The following BSDC1 variants were observed in gnomAD, a reference collection of about 807,000 sequenced individuals.
The protein encoded by BSDC1 is BSD domain containing 1, also known as BSD domain-containing protein 1.
Under a neutral mutation model 56.0 loss-of-function variants are expected in BSDC1, and 29 were observed. That is an observed-to-expected ratio of 0.52 (90% CI 0.39 to 0.71). The LOEUF is 0.71. BSDC1 is among the 30% of genes least tolerant of loss of function. The pLI is 0.00. For synonymous variants in BSDC1, 210 were observed against 215.3 expected, an observed-to-expected ratio of 0.98 and a Z score of 0.21; for missense variants, 477 against 548.5, an observed-to-expected ratio of 0.87 and a Z score of 1.30.
Position 32,378,903 on chromosome 1 carries a change from G to A in BSDC1, c.413-64C>T, listed in dbSNP as rs1000547561. On this transcript the variant is annotated intron_variant, in intron 5 of 10. Coordinates refer to ENST00000455895, the MANE Select transcript of BSDC1 (RefSeq NM_018045.8). This position sits in a 1 kb window ranked among gnomAD's most constrained non-coding sequence, Gnocchi z 5.2. Reference sequence around the variant, plus strand: ...CTGGGAAAAGAACACTGGGCTTACAGAACATATCTAAGGCTGGACATGGAA... The same window carrying A: ...CTGGGAAAAGAACACTGGGCTTACAAAACATATCTAAGGCTGGACATGGAA... 1.8e-6 allele frequency: 2 copies of A among 1,110,298 alleles called. No individual in the cohort carries two copies. Among genetic ancestry groups the A allele is most frequent in the African/African-American group, 3.3e-5 (2 of 61,506 alleles). 68.8% of individuals were successfully genotyped at this position (1,110,298 alleles called of 1,614,324 possible).
chr1:32,393,861 C>G (rs559785427), intron 2 of BSDC1: 1 of 533,594 alleles, frequency 1.9e-6, no homozygotes, highest in Non-Finnish European at 3.3e-6. Context: ...TCGTTAACTC[C>G]AGCCTTTAAA....
intron 2 of BSDC1, among the ~76,000 whole-genome samples, chr1:32,389,972 CA>C (rs386366640): frequency 0.048 from 3,510 of 73,082 alleles, 127 homozygotes; most frequent in Admixed American, 0.18. Flanking sequence ...GACCCTGTCT[CA>C]AAAAAAAAAA....
At chr1:32,388,295 A>G (rs918407562) in intron 2 of BSDC1, among the ~76,000 whole-genome samples, 1 of 152,170 alleles carries the variant, frequency 6.6e-6, no homozygotes, top group African/African-American at 2.4e-5. Context: ...TAGGGGTGGT[A>G]ATCATGCCTC....
rs1485058437 is a variant in BSDC1, at chr1:32,365,404, T to TGAA, written c.*1215_*1217dup. The TGAA allele has an allele frequency of 6.6e-6, 1 of 151,292 alleles. No individual in the cohort carries two copies. Among genetic ancestry groups the TGAA allele is most frequent in the African/African-American group, 2.4e-5 (1 of 41,004 alleles). 9.4% of individuals were successfully genotyped at this position (151,292 alleles called of 1,614,324 possible). A position where few individuals can be genotyped will look rare whatever the true frequency, so the allele number is the denominator to read the frequency against. ...CATTCTCTCCATCCCACCCCCTCAC[T>TGAA]GAAGGTTTGAAGTGGAAGTGACCTC... On this transcript the variant is annotated 3_prime_UTR_variant, in exon 11 of 11. Transcript: ENST00000455895.
chr1:32,390,721 G>T (rs59463990), intron 2 of BSDC1, among the ~76,000 whole-genome samples: 8,520 of 152,066 alleles, frequency 0.056, 769 homozygotes, highest in African/African-American at 0.19. Context: ...GACCAGCCTG[G>T]GCAACATGGC....
At chr1:32,393,930 CG>C (rs1406649308) in intron 2 of BSDC1, 149 bp downstream of exon 2, 1 of 684,560 alleles carries the variant, frequency 1.5e-6, no homozygotes, top group Non-Finnish European at 2.5e-6. Context: ...TCTGTCTTCC[CG>C]TGGACCGGTA....
At chr1:32,393,032 C>G (rs532811600) in intron 2 of BSDC1, among the ~76,000 whole-genome samples, 1 of 152,294 alleles carries the variant, frequency 6.6e-6, no homozygotes, top group African/African-American at 2.4e-5. Context: ...CCTGTGCACT[C>G]CAGCCTAGGT....
intron 2 of BSDC1, among the ~76,000 whole-genome samples, chr1:32,390,512 G>A (rs770435522): frequency 5.3e-5 from 8 of 152,214 alleles, no homozygotes; most frequent in Non-Finnish European, 1.2e-4. Context: ...AAATCCTGGA[G>A]GAGGAGCAGT....
chr1:32,386,014 T>C (rs1642651659), intron 3 of BSDC1, among the ~76,000 whole-genome samples: 1 of 152,030 alleles, frequency 6.6e-6, no homozygotes. Context: ...AGAATAAGGT[T>C]TGCAGTTTAA....
chr1:32,392,959 G>A (rs1642915922), intron 2 of BSDC1, among the ~76,000 whole-genome samples: 1 of 152,214 alleles, frequency 6.6e-6, no homozygotes, highest in Admixed American at 6.5e-5. Flanking sequence ...AGCTACTCGG[G>A]AGGCTGAGGC....
intron 9 of BSDC1, 137 bp from the exon 10 acceptor site, chr1:32,368,687 C>T (rs749004086): frequency 1.3e-4 from 168 of 1,260,562 alleles, no homozygotes; most frequent in South Asian, 2.0e-4. Flanking sequence ...TTCACTCTGG[C>T]GCACCAATCG....
At chr1:32,394,047 T>C (rs538454392) in intron 2 of BSDC1, 33 bp downstream of exon 2, 7 of 1,598,034 alleles carry the variant, frequency 4.4e-6, no homozygotes, top group African/African-American at 1.3e-5. Context: ...CGCAGGGCCC[T>C]GCTGAGGGAA....
intron 3 of BSDC1, among the ~76,000 whole-genome samples, chr1:32,384,223 G>T (rs186734559): frequency 8.6e-5 from 13 of 151,034 alleles, no homozygotes; most frequent in African/African-American, 2.4e-4. Context: ...GTAGATCAGA[G>T]ATCTTTGATT....
Position 32,383,845 on chromosome 1 carries a change from G to A in BSDC1, c.342C>T (p.Pro114=). ...CAGTGAATACCTTGGTGCCATCATA[G>A]GGCTCAGCTGTGCCAGACGGTGTGC... ...LMGTPSGTAE[P]YDGTKARLYS... The change falls in exon 4 of 11, where the codon CCC becomes CCT. Residue 114 remains proline, a synonymous_variant. Coordinates refer to ENST00000455895, the MANE Select transcript of BSDC1 (RefSeq NM_018045.8). 12 of 1,612,212 alleles carry A rather than the reference G, an allele frequency of 7.4e-6. No homozygotes were observed. Among genetic ancestry groups the A allele is most frequent in the Non-Finnish European group, 9.3e-6 (11 of 1,180,024 alleles).
intron 3 of BSDC1, among the ~76,000 whole-genome samples, chr1:32,384,723 G>A (rs1251436019): frequency 2.0e-5 from 3 of 152,078 alleles, no homozygotes; most frequent in Non-Finnish European, 4.4e-5. Context: ...GACAGGGATA[G>A]GGTGCTGAGA....
At chr1:32,371,939 G>A (rs747479620) in intron 9 of BSDC1, among the ~76,000 whole-genome samples, 12 of 152,108 alleles carry the variant, frequency 7.9e-5, no homozygotes, top group Non-Finnish European at 1.5e-4. Context: ...CTGGAGAAGC[G>A]TATTAAAATA....
At chr1:32,374,990 A>C (rs917036260) in intron 9 of BSDC1, among the ~76,000 whole-genome samples, 4 of 152,092 alleles carry the variant, frequency 2.6e-5, no homozygotes, top group African/African-American at 9.7e-5. Context: ...ATCTCTACTA[A>C]AAATACAAAA....
At chr1:32,388,160 C>A (rs116572477) in intron 2 of BSDC1, among the ~76,000 whole-genome samples, 23 of 152,200 alleles carry the variant, frequency 1.5e-4, no homozygotes, top group African/African-American at 5.1e-4. Flanking sequence ...CGGGGATAAT[C>A]ACCTGCATTT....
chr1:32,388,889 A>G (rs1642762288), intron 2 of BSDC1, among the ~76,000 whole-genome samples: 1 of 151,632 alleles, frequency 6.6e-6, no homozygotes, highest in Admixed American at 6.6e-5. Context: ...TCATTTCCCT[A>G]GAGGGGCTTC....
Sources: allele counts gnomAD v4.1 joint callset (sites outside exome capture counted in the v4.1 genomes callset), GRCh38; gene constraint gnomAD v4.1.1; non-coding constraint Gnocchi (gnomAD v3.1); transcripts MANE v1.5; gene names NCBI Gene and HGNC (gene_info 2026-07-23, HGNC 2026-07-21).